The following PTPRD variants were observed in gnomAD, a reference collection of about 807,000 sequenced individuals.
PTPRD encodes the protein receptor-type tyrosine-protein phosphatase delta.
Under a neutral mutation model 214.5 loss-of-function variants are expected in PTPRD, and 34 were observed. That is an observed-to-expected ratio of 0.16 (90% CI 0.12 to 0.21). The LOEUF (loss-of-function observed/expected upper bound fraction) is 0.21. Among genes scored for constraint, PTPRD ranks in the 10% least tolerant of loss-of-function variants. The pLI is 1.00. For missense variants in PTPRD, 2,545 were observed against 2,398.7 expected, an observed-to-expected ratio of 1.06 and a Z score of -1.27; for synonymous variants, 1,128 against 845.7, an observed-to-expected ratio of 1.33 and a Z score of -5.79.
chr9:8,563,162 TAA>T (rs1415078546), intron 14 of PTPRD, among the ~76,000 whole-genome samples: 4 of 152,162 alleles, frequency 2.6e-5, no homozygotes, highest in Non-Finnish European at 5.9e-5. Flanking sequence ...CCCATTTATA[TAA>T]AAGTCTACAA....
intron 11 of PTPRD, among the ~76,000 whole-genome samples, chr9:8,749,854 C>A (rs1043962463): frequency 6.6e-6 from 1 of 152,094 alleles, no homozygotes; most frequent in Non-Finnish European, 1.5e-5. Context: ...GTAATCACAA[C>A]ACTTTGGGAG....
At chr9:8,613,309 G>T (rs1442476212) in intron 14 of PTPRD, among the ~76,000 whole-genome samples, 1 of 152,146 alleles carries the variant, frequency 6.6e-6, no homozygotes, top group Non-Finnish European at 1.5e-5. Context: ...TTCTAGAAGA[G>T]AGAGCAGGAA....
chr9:10,242,689 A>AT (rs1459815251), intron 3 of PTPRD, among the ~76,000 whole-genome samples: 4 of 30,356 alleles, frequency 1.3e-4, no homozygotes, highest in Middle Eastern at 0.015. Context: ...GGCTTACTTA[A>AT]TTAAAAAAAA....
chr9:9,830,911 G>A (rs550812079), intron 5 of PTPRD, among the ~76,000 whole-genome samples: 16 of 151,760 alleles, frequency 1.1e-4, no homozygotes, highest in South Asian at 2.1e-4. Context: ...ATTGTCCAAC[G>A]TAAAATGTAT....
At chr9:8,548,427 G>A (rs1023216249) in intron 14 of PTPRD, among the ~76,000 whole-genome samples, 1 of 152,016 alleles carries the variant, frequency 6.6e-6, no homozygotes, top group East Asian at 1.9e-4. Flanking sequence ...TACTGCCGTG[G>A]CACAATCTCA....
intron 11 of PTPRD, among the ~76,000 whole-genome samples, chr9:8,943,667 C>T (rs1039884933): frequency 1.3e-5 from 2 of 148,766 alleles, no homozygotes; most frequent in African/African-American, 4.9e-5. Context: ...AGATTATTTC[C>T]CAGAATAAAT....
intron 4 of PTPRD, among the ~76,000 whole-genome samples, chr9:10,019,557 G>C (rs1326968559): frequency 6.6e-6 from 1 of 152,168 alleles, no homozygotes; most frequent in East Asian, 1.9e-4. Context: ...ACTGGATTAA[G>C]AAAATGTGGC....
intron 5 of PTPRD, among the ~76,000 whole-genome samples, chr9:9,798,716 A>C (rs921876735): frequency 1.3e-5 from 2 of 152,236 alleles, no homozygotes; most frequent in Non-Finnish European, 1.5e-5. Context: ...TATGTAGAGA[A>C]GAGAACAAGA....
At chr9:10,406,962 A>G (rs567238084) in intron 2 of PTPRD, among the ~76,000 whole-genome samples, 4 of 151,730 alleles carry the variant, frequency 2.6e-5, no homozygotes, top group African/African-American at 9.6e-5. Context: ...CTCAGTAGTT[A>G]CAATAAATGG....
intron 11 of PTPRD, among the ~76,000 whole-genome samples, chr9:8,813,321 G>A (rs2096853558): frequency 6.6e-6 from 1 of 152,144 alleles, no homozygotes. Context: ...CAAAGGAATA[G>A]CTTATCAGAA....
intron 2 of PTPRD, among the ~76,000 whole-genome samples, chr9:10,362,748 C>G (rs1356820928): frequency 6.6e-6 from 1 of 152,098 alleles, no homozygotes; most frequent in East Asian, 1.9e-4. Flanking sequence ...GGCATGGTGT[C>G]ACGTGCCTGT....
At chr9:9,018,024 A>G (rs2154367298) in intron 11 of PTPRD, among the ~76,000 whole-genome samples, 1 of 151,862 alleles carries the variant, frequency 6.6e-6, no homozygotes, top group Middle Eastern at 3.4e-3. Context: ...CTATTTGTTT[A>G]CTCTATTTGT....
At position 9,404,331 on chromosome 9, in the gene PTPRD, C is replaced by G. The variant is rs577150659; in HGVS notation, c.-236-6849G>C. On this transcript the variant is annotated intron_variant, in intron 8 of 45. Transcript: ENST00000381196. ...GAGATCAGTTTTGAACCTTTCCAGG[C>G]AAGAGCTGGTAGTGGTTTATACTAA... is the stretch of plus-strand genomic sequence containing the variant. 4.6e-5 allele frequency among the ~76,000 whole-genome samples: 7 copies of G among 152,046 alleles called. No homozygotes were observed. The South Asian group carries it at 1.0e-3, about 23-fold the overall frequency.
At chr9:8,356,072 C>T (rs372181796) in intron 39 of PTPRD, among the ~76,000 whole-genome samples, 7 of 152,098 alleles carry the variant, frequency 4.6e-5, no homozygotes, top group Non-Finnish European at 7.4e-5. Context: ...AAGGAGAGAC[C>T]GCAAAGGGCT....
intron 5 of PTPRD, among the ~76,000 whole-genome samples, chr9:9,936,690 A>G (rs1222510209): frequency 3.7e-5 from 5 of 133,964 alleles, no homozygotes; most frequent in Admixed American, 7.8e-5. Context: ...ATCTAGAACT[A>G]GAAATACCAT....
chr9:9,739,820 CAT>C (rs34275197), intron 6 of PTPRD, among the ~76,000 whole-genome samples: 6,160 of 150,456 alleles, frequency 0.041, 719 homozygotes, highest in East Asian at 0.4. Context: ...TTTTTCTCTA[CAT>C]ATATATATAT....
Position 9,336,082 on chromosome 9 carries a change from A to C in PTPRD, c.-203+61367T>G, listed in dbSNP as rs919277280. Among the ~76,000 whole-genome samples the C allele has an allele frequency of 2.6e-5, 4 of 152,194 alleles. No individual in the cohort carries two copies. The East Asian group carries it at 7.7e-4, about 29-fold the overall frequency. On this transcript the variant is annotated intron_variant, in intron 9 of 45. Transcript: ENST00000381196. ...TATATTTCCATCACAGGTTAAAGATACGACACACACATAATCTTTTATTTT... is the reference window on the plus strand; with the variant it reads ...TATATTTCCATCACAGGTTAAAGATCCGACACACACATAATCTTTTATTTT...
At chr9:9,833,415 A>C (rs938698647) in intron 5 of PTPRD, among the ~76,000 whole-genome samples, 3 of 152,002 alleles carry the variant, frequency 2.0e-5, no homozygotes, top group African/African-American at 7.2e-5. Context: ...AGTACTTAAC[A>C]GGGTAATAGA....
intron 11 of PTPRD, among the ~76,000 whole-genome samples, chr9:8,744,294 C>T (rs1384083351): frequency 6.6e-6 from 1 of 152,156 alleles, no homozygotes; most frequent in Non-Finnish European, 1.5e-5. Context: ...AATCCCACTA[C>T]TAAGTATCTA....
Sources: allele counts gnomAD v4.1 joint callset (sites outside exome capture counted in the v4.1 genomes callset), GRCh38; gene constraint gnomAD v4.1.1; transcripts MANE v1.5; gene names NCBI Gene and HGNC (gene_info 2026-07-23, HGNC 2026-07-21).